Variants in FER1L5 observed in about 807,000 individuals in gnomAD.
FER1L5 encodes fer-1-like protein 5.
A neutral mutation model predicts 279.9 loss-of-function variants in FER1L5; 187 were observed. The ratio of observed to expected loss-of-function variants is 0.67; its 90% CI spans 0.59 to 0.75. The LOEUF (loss-of-function observed/expected upper bound fraction) is 0.75, where lower values mean the gene tolerates loss of function less well. Among genes scored for constraint, FER1L5 ranks in the 30% least tolerant of loss-of-function variants. The pLI, the probability that FER1L5 is intolerant of heterozygous loss-of-function variation, is 0.00. For synonymous variants in FER1L5, 921 were observed against 989.7 expected (o/e 0.93, Z 1.30); for missense variants, 2,091 against 2,594.4 (o/e 0.81, Z 4.21).
intron 9 of FER1L5, among the ~76,000 whole-genome samples, chr2:96,659,396 T>TCCTTCCTTC (rs372478576): frequency 1.4e-4 from 1 of 7,236 alleles, no homozygotes; most frequent in Non-Finnish European, 2.1e-4. Flanking sequence ...TTTCTTTCTT[T>TCCTTCCTTC]CTTTCTTTCT....
Position 96,698,989 on chromosome 2 carries a change from C to T in FER1L5, c.4519-56C>T, listed in dbSNP as rs2077488835. ...TCCACCCTCCTCCCACCCTCCCTGA[C>T]AAACCTGGACGGCCTCCCCAGTTCC... On this transcript the variant is annotated intron_variant, in intron 41 of 52. Transcript: ENST00000624922. This position sits in a 1 kb window ranked among gnomAD's most constrained non-coding sequence, Gnocchi z 5.5. 1 of 1,552,332 alleles carries T rather than the reference C, an allele frequency of 6.4e-7. No individual in the cohort carries two copies. The highest frequency in any genetic ancestry group is 1.2e-5 in the South Asian group (1 of 84,910).
chr2:96,656,990 G>A (rs1161055820), intron 9 of FER1L5, among the ~76,000 whole-genome samples: 2 of 151,464 alleles, frequency 1.3e-5, no homozygotes, highest in Non-Finnish European at 2.9e-5. Context: ...AGCTAATGAT[G>A]ATCATTGCCT....
At chr2:96,659,231 C>T (rs2075724294) in intron 9 of FER1L5, among the ~76,000 whole-genome samples, 1 of 151,842 alleles carries the variant, frequency 6.6e-6, no homozygotes, top group Non-Finnish European at 1.5e-5. Flanking sequence ...CTGTCATTTT[C>T]TTAACAGTGT....
intron 9 of FER1L5, among the ~76,000 whole-genome samples, chr2:96,657,693 A>G (rs1267042079): frequency 6.6e-6 from 1 of 152,222 alleles, no homozygotes; most frequent in African/African-American, 2.4e-5. Context: ...TCATATCAAT[A>G]GAATCATACA....
At chr2:96,672,182 A>G (rs956574142) in intron 18 of FER1L5, among the ~76,000 whole-genome samples, 1 of 152,132 alleles carries the variant, frequency 6.6e-6, no homozygotes, top group Non-Finnish European at 1.5e-5. Context: ...GGGTTCAAGC[A>G]ATTCTCTTGC....
At chr2:96,663,412 C>T (rs2076019684) in intron 13 of FER1L5, 27 bp from the exon 14 acceptor site, 1 of 1,550,486 alleles carries the variant, frequency 6.4e-7, no homozygotes, top group Non-Finnish European at 8.7e-7. Context: ...GGCAGGCTGG[C>T]ACCAACACTG....
At chr2:96,670,748 T>C (rs1558873942) in intron 18 of FER1L5, among the ~76,000 whole-genome samples, 1 of 151,244 alleles carries the variant, frequency 6.6e-6, no homozygotes, top group Non-Finnish European at 1.5e-5. Context: ...ATTGTGCCAC[T>C]GCACTCCAGG....
chr2:96,648,228 G>C (rs1346031496), intron 4 of FER1L5, among the ~76,000 whole-genome samples: 2 of 152,210 alleles, frequency 1.3e-5, no homozygotes, highest in Non-Finnish European at 2.9e-5. Flanking sequence ...AGGTCAGGAG[G>C]GAGTGAACAA....
At chr2:96,696,481 A>C (rs1325644497) in intron 37 of FER1L5, among the ~76,000 whole-genome samples, 1 of 151,986 alleles carries the variant, frequency 6.6e-6, no homozygotes, top group Non-Finnish European at 1.5e-5. Context: ...TTTAGTAGAG[A>C]CAGGGTTTCA....
At chr2:96,692,061 G>A (rs1309807568) in intron 30 of FER1L5, 43 bp from the exon 31 acceptor site, 2 of 1,550,482 alleles carry the variant, frequency 1.3e-6, no homozygotes, top group South Asian at 1.2e-5. Context: ...GGGAGCCGCT[G>A]GGGTCCTGGG....
chr2:96,679,175 A>T (rs753837963), intron 19 of FER1L5, among the ~76,000 whole-genome samples: 40 of 151,330 alleles, frequency 2.6e-4, no homozygotes, highest in Non-Finnish European at 5.6e-4. Context: ...ACATGGCGAG[A>T]TCCTACAGAA....
intron 1 of FER1L5, among the ~76,000 whole-genome samples, chr2:96,645,996 C>CTTTTTTT (rs34639745): frequency 1.4e-5 from 1 of 72,706 alleles, no homozygotes; most frequent in Non-Finnish European, 2.7e-5. Context: ...TTGAAGTTTT[C>CTTTTTTT]TTTTTTTTTT....
rs1211058099 is a variant in FER1L5 at position 96,698,202 on chromosome 2, TTC to T, written c.4356+48_4356+49del. 6.5e-7 allele frequency: 1 copy of T among 1,529,676 alleles called. No homozygotes were observed. The allele number at this position is 1,529,676 out of a possible 1,614,324, so 94.8% of individuals were successfully genotyped here. On this transcript the variant is annotated intron_variant, in intron 40 of 52. Coordinates refer to ENST00000624922, the MANE Select transcript of FER1L5 (RefSeq NM_001293083.2). This position sits in a 1 kb window ranked among gnomAD's most constrained non-coding sequence, Gnocchi z 5.5. ...AGCTGCCCCTGTCTCCTTGTGCACCTTCTGTCCCTGGAAAACGAATAAAAGCC... is the reference window on the plus strand; with the variant it reads ...AGCTGCCCCTGTCTCCTTGTGCACCTTGTCCCTGGAAAACGAATAAAAGCC...
chr2:96,668,239 C>T (rs1212189125), intron 14 of FER1L5, among the ~76,000 whole-genome samples: 1 of 152,130 alleles, frequency 6.6e-6, no homozygotes, highest in Non-Finnish European at 1.5e-5. Context: ...AAATGGGAGG[C>T]CCAGCTGGGC....
chr2:96,652,499 C>A (rs898036474), intron 7 of FER1L5: 1 of 158,296 alleles, frequency 6.3e-6, no homozygotes, highest in South Asian at 1.8e-4. Flanking sequence ...GCGGAGAGGA[C>A]TCAGAAGGGC....
At chr2:96,669,738 G>A (rs1558872179) in intron 17 of FER1L5, among the ~76,000 whole-genome samples, 1 of 152,172 alleles carries the variant, frequency 6.6e-6, no homozygotes, top group Admixed American at 6.5e-5. Context: ...AGCAGGGAAG[G>A]CCAGGGAAGC....
At chr2:96,659,388 T>TCTTTCTTTCTTTCTTTC (rs2075800512) in intron 9 of FER1L5, among the ~76,000 whole-genome samples, 3 of 9,384 alleles carry the variant, frequency 3.2e-4, no homozygotes, top group South Asian at 7.4e-3. Context: ...TTTCTTTCTT[T>TCTTTCTTTCTTTCTTTC]CTTTCTTTCT....
intron 13 of FER1L5, 79 bp from the exon 14 acceptor site, chr2:96,663,360 G>C (rs2076017452): frequency 7.3e-7 from 1 of 1,365,206 alleles, no homozygotes; most frequent in Non-Finnish European, 1.0e-6. Flanking sequence ...TGGGAGGCTG[G>C]ACAGGAAGAG....
At position 96,695,870 on chromosome 2, in the gene FER1L5, C is replaced by A; in HGVS notation, c.4023C>A (p.Pro1341=). ...IDFLQPYFCD[P]WAQDYMHPKL... ...TCCTCCAGCCCTACTTCTGTGACCCCTGGGCTCAAGACTATATGCACCCAA... is the reference window on the plus strand; with the variant it reads ...TCCTCCAGCCCTACTTCTGTGACCCATGGGCTCAAGACTATATGCACCCAA... Residue 1341 remains proline (P), a synonymous_variant, in exon 36 of 53, where the codon CCC becomes CCA. Coordinates refer to ENST00000624922, the MANE Select transcript of FER1L5 (RefSeq NM_001293083.2). 6 of 1,613,686 alleles carry A rather than the reference C, an allele frequency of 3.7e-6. No homozygotes were observed. The highest frequency in any genetic ancestry group is 5.1e-6 in the Non-Finnish European group (6 of 1,179,820).
Sources: allele counts gnomAD v4.1 joint callset (sites outside exome capture counted in the v4.1 genomes callset), GRCh38; gene constraint gnomAD v4.1.1; non-coding constraint Gnocchi (gnomAD v3.1); transcripts MANE v1.5; gene names NCBI Gene and HGNC (gene_info 2026-07-23, HGNC 2026-07-21).